Variants in LRRTM4 observed in about 807,000 individuals in gnomAD.
LRRTM4 encodes leucine rich repeat transmembrane neuronal 4.
In LRRTM4, 25 loss-of-function variants were observed where a neutral mutation model predicts 47.6. The observed-to-expected ratio is 0.53, with a 90% CI of 0.38 to 0.73. LRRTM4 has a LOEUF of 0.73. Ranked by LOEUF, LRRTM4 falls within the 30% of genes least tolerant of loss-of-function variation. The probability of loss-of-function intolerance (pLI) is 0.00; values close to 1 mark genes in which losing one functional copy is unlikely to be tolerated. For synonymous variants in LRRTM4, 311 were observed against 269.5 expected (o/e 1.15, Z -1.51); for missense variants, 638 against 713.4 (o/e 0.89, Z 1.20).
At chr2:77,045,642 C>A (rs901778065) in intron 3 of LRRTM4, among the ~76,000 whole-genome samples, 1 of 152,046 alleles carries the variant, frequency 6.6e-6, no homozygotes, top group African/African-American at 2.4e-5. Flanking sequence ...AGTTTTCCTG[C>A]ACAAGCTCTC....
Position 77,392,221 on chromosome 2 carries a change from T to G in LRRTM4, c.1551+126097A>C, listed in dbSNP as rs547169214. Among the ~76,000 whole-genome samples, 37 of 152,142 alleles carry G rather than the reference T, an allele frequency of 2.4e-4. 1 individual carries two copies. Among genetic ancestry groups the G allele is most frequent in the African/African-American group, 7.9e-4 (33 of 41,550 alleles). On this transcript the variant is annotated intron_variant, in intron 3 of 3. Transcript: ENST00000409884. Reference sequence around the variant, plus strand: ...CTGTTTTCAACTCTTCAGGTGGAGCTTATTCCTTTCAACCAATTGCCAATA... The same window carrying G: ...CTGTTTTCAACTCTTCAGGTGGAGCGTATTCCTTTCAACCAATTGCCAATA...
intron 3 of LRRTM4, among the ~76,000 whole-genome samples, chr2:77,355,166 T>C (rs547043834): frequency 3.3e-5 from 5 of 152,214 alleles, no homozygotes; most frequent in Non-Finnish European, 7.3e-5. Flanking sequence ...GAAAGTGTTA[T>C]TTATTATACC....
chr2:77,222,564 G>T (rs925635615), intron 3 of LRRTM4, among the ~76,000 whole-genome samples: 2 of 152,172 alleles, frequency 1.3e-5, no homozygotes, highest in African/African-American at 4.8e-5. Context: ...TATCATCAGA[G>T]AATACTCTAA....
At chr2:76,915,066 G>C (rs923527232) in intron 3 of LRRTM4, among the ~76,000 whole-genome samples, 2 of 152,174 alleles carry the variant, frequency 1.3e-5, no homozygotes, top group African/African-American at 2.4e-5. Context: ...AGAAATCTTT[G>C]AAAACTTTTA....
chr2:77,477,931 GAAA>G (rs1677493327), intron 3 of LRRTM4, among the ~76,000 whole-genome samples: 1 of 132,222 alleles, frequency 7.6e-6, no homozygotes, highest in South Asian at 2.8e-4. Context: ...AAGAAAGAAA[GAAA>G]GAAAGAAAGA....
At chr2:77,455,260 A>G (rs1320802252) in intron 3 of LRRTM4, among the ~76,000 whole-genome samples, 1 of 152,180 alleles carries the variant, frequency 6.6e-6, no homozygotes, top group African/African-American at 2.4e-5. Flanking sequence ...GAGACCATAG[A>G]GACTATCGTA....
chr2:77,046,319 C>T (rs370998752), intron 3 of LRRTM4, among the ~76,000 whole-genome samples: 23 of 152,072 alleles, frequency 1.5e-4, no homozygotes, highest in South Asian at 1.2e-3. Flanking sequence ...AACTCCATCT[C>T]TGGGAACAAT....
chr2:76,824,202 T>C (rs79523068), intron 3 of LRRTM4, among the ~76,000 whole-genome samples: 4,492 of 151,742 alleles, frequency 0.03, 88 homozygotes, highest in Middle Eastern at 0.078. Flanking sequence ...AATCTATTAA[T>C]ATCTCCAATG....
chr2:77,231,209 A>ACACACACACACATG (rs1185106351), intron 3 of LRRTM4, among the ~76,000 whole-genome samples: 2 of 151,494 alleles, frequency 1.3e-5, no homozygotes, highest in Non-Finnish European at 2.9e-5. Flanking sequence ...GTACACATGC[A>ACACACACACACATG]CACACACACA....
intron 3 of LRRTM4, among the ~76,000 whole-genome samples, chr2:77,164,240 C>G (rs1016687468): frequency 6.6e-6 from 1 of 152,172 alleles, no homozygotes; most frequent in African/African-American, 2.4e-5. Flanking sequence ...GTAAAGGGAT[C>G]AATTCAACAA....
At chr2:76,938,432 G>C (rs1439130634) in intron 3 of LRRTM4, among the ~76,000 whole-genome samples, 1 of 152,134 alleles carries the variant, frequency 6.6e-6, no homozygotes, top group Non-Finnish European at 1.5e-5. Context: ...TTCTTTTAGA[G>C]TGATTTTACT....
At position 77,311,061 on chromosome 2, in the gene LRRTM4, T is replaced by C. The variant is rs1179756320; in HGVS notation, c.1551+207257A>G. On this transcript the variant is annotated intron_variant, in intron 3 of 3. Coordinates refer to ENST00000409884, the MANE Select transcript of LRRTM4 (RefSeq NM_001134745.3). ...TGAGAGATATTTATATACACACACA[T>C]ATATATATATATCATTTGACCTAAA... Among the ~76,000 whole-genome samples the C allele has an allele frequency of 7.3e-5, 11 of 151,616 alleles. 1 individual carries two copies. In the South Asian group the frequency reaches 1.0e-3, roughly 14 times the overall value.
intron 3 of LRRTM4, among the ~76,000 whole-genome samples, chr2:76,827,463 C>T (rs760152544): frequency 6.6e-6 from 1 of 151,838 alleles, no homozygotes; most frequent in African/African-American, 2.4e-5. Context: ...ACATGCTACA[C>T]TGTTTCCTGT....
At chr2:77,225,990 C>G (rs367842807) in intron 3 of LRRTM4, among the ~76,000 whole-genome samples, 45 of 151,060 alleles carry the variant, frequency 3.0e-4, no homozygotes, top group African/African-American at 1.1e-3. Context: ...AAATAAAGAA[C>G]GTAAAAAATG....
chr2:77,086,658 ATTTG>A (rs113268910), intron 3 of LRRTM4, among the ~76,000 whole-genome samples: 3,471 of 150,620 alleles, frequency 0.023, 92 homozygotes, highest in African/African-American at 0.073. Flanking sequence ...TTGTTTGTTT[ATTTG>A]TTTGTTATTT....
Position 77,519,925 on chromosome 2 carries a change from G to T in LRRTM4, c.5-61C>A, listed in dbSNP as rs1207470966. ...AAGCTATTAAAATAAATCACCGTCG[G>T]TTTACCAACAACAGGGGCATTTCCT... On this transcript the variant is annotated intron_variant, in intron 2 of 3. Coordinates refer to ENST00000409884, the MANE Select transcript of LRRTM4 (RefSeq NM_001134745.3). The surrounding 1 kb of genome is among the most constrained non-coding windows in gnomAD (Gnocchi z 4.6). 1.1e-5 allele frequency: 16 copies of T among 1,476,558 alleles called. No individual in the cohort carries two copies. The highest frequency in any genetic ancestry group is 1.4e-5 in the African/African-American group (1 of 70,488). 91.5% of individuals were successfully genotyped at this position (1,476,558 alleles called of 1,614,324 possible). A position where few individuals can be genotyped will look rare whatever the true frequency, so the allele number is the denominator to read the frequency against.
chr2:77,365,851 T>C (rs1672421962), intron 3 of LRRTM4, among the ~76,000 whole-genome samples: 1 of 150,112 alleles, frequency 6.7e-6, no homozygotes, highest in African/African-American at 2.4e-5. Context: ...GAAGCCAAAA[T>C]ACAAGCAATG....
chr2:77,220,243 A>T (rs1246343634), intron 3 of LRRTM4, among the ~76,000 whole-genome samples: 1 of 152,170 alleles, frequency 6.6e-6, no homozygotes, highest in Non-Finnish European at 1.5e-5. Context: ...AGACAAAACC[A>T]CAAAGATGGG....
chr2:77,301,393 T>C (rs1677130804), intron 3 of LRRTM4, among the ~76,000 whole-genome samples: 1 of 152,084 alleles, frequency 6.6e-6, no homozygotes, highest in Non-Finnish European at 1.5e-5. Context: ...TTATAAGATA[T>C]TTAATAAATA....
Sources: allele counts gnomAD v4.1 joint callset (sites outside exome capture counted in the v4.1 genomes callset), GRCh38; gene constraint gnomAD v4.1.1; non-coding constraint Gnocchi (gnomAD v3.1); transcripts MANE v1.5; gene names NCBI Gene and HGNC (gene_info 2026-07-23, HGNC 2026-07-21).